The following CDHR3 variants were observed in gnomAD, a reference collection of about 807,000 sequenced individuals.
The protein encoded by CDHR3 is cadherin-related family member 3.
A neutral mutation model predicts 86.6 loss-of-function variants in CDHR3; 79 were observed. The ratio of observed to expected loss-of-function variants is 0.91; its 90% CI spans 0.76 to 1.10. CDHR3 has a LOEUF of 1.10. CDHR3 is among the 50% of genes least tolerant of loss of function. The probability of loss-of-function intolerance (pLI) is 0.00; values close to 1 mark genes in which losing one functional copy is unlikely to be tolerated. For missense variants in CDHR3, 1,081 were observed against 1,077.6 expected (o/e 1.00, Z -0.04); for synonymous variants, 421 against 402.4 (o/e 1.05, Z -0.55).
chr7:105,992,782 G>T (rs1831557031), intron 4 of CDHR3, among the ~76,000 whole-genome samples: 1 of 152,158 alleles, frequency 6.6e-6, no homozygotes, highest in Non-Finnish European at 1.5e-5. Context: ...CGTTTGCATA[G>T]AAAAGAACAG....
At chr7:106,017,654 T>C (rs1835869589) in intron 11 of CDHR3, among the ~76,000 whole-genome samples, 192 bp from the exon 12 acceptor site, 1 of 151,268 alleles carries the variant, frequency 6.6e-6, no homozygotes, top group Non-Finnish European at 1.5e-5. Context: ...GCTTGGATCA[T>C]AGGGTCAGTT....
chr7:106,026,627 T>A, intron 15 of CDHR3, 55 bp from the exon 16 acceptor site: 1 of 1,592,316 alleles, frequency 6.3e-7, no homozygotes, highest in Admixed American at 1.7e-5. Flanking sequence ...GTCATGTGTG[T>A]GCCAGTGCAG....
chr7:106,024,429 G>T lies in CDHR3; in HGVS notation c.2125G>T (p.Ala709Ser), dbSNP rs368256729. 3.0e-5 allele frequency: 48 copies of T among 1,613,900 alleles called. No individual in the cohort carries two copies. Among genetic ancestry groups the T allele is most frequent in the Non-Finnish European group, 3.8e-5 (45 of 1,179,892 alleles). ...GAGGAAAAACGTTTACTCTCCATCT[G>T]CATGGTACGTGCCGTTTGTCATCAC... is the stretch of plus-strand genomic sequence containing the variant. Reference protein sequence around the residue: ...VLRKNVYSPSAWYVPFVITLG... With the variant: ...VLRKNVYSPSSWYVPFVITLG... Residue 709 changes from alanine to serine, a missense_variant, in exon 15 of 19, where the codon GCA becomes TCA. By Grantham distance (99) the Ala-to-Ser change is moderately conservative. Transcript: ENST00000317716.
At position 106,033,373 on chromosome 7, in the gene CDHR3, G is replaced by T. The variant is rs1178264324; in HGVS notation, c.*676G>T. 6.6e-6 allele frequency: 1 copy of T among 152,176 alleles called. No individual in the cohort carries two copies. The highest frequency in any genetic ancestry group is 2.4e-5 in the African/African-American group (1 of 41,430). 9.4% of individuals were successfully genotyped at this position (152,176 alleles called of 1,614,324 possible). The stretch of plus-strand genomic sequence containing the variant: ...ATGGTTATGTCTGGTTTCATTCTAT[G>T]ATTATATCACAATTTATCTATTCTA... On this transcript the variant is annotated 3_prime_UTR_variant, in exon 19 of 19. Coordinates refer to ENST00000317716, the MANE Select transcript of CDHR3 (RefSeq NM_152750.5).
intron 11 of CDHR3, among the ~76,000 whole-genome samples, chr7:106,017,425 C>T (rs1263968759): frequency 1.3e-5 from 2 of 151,738 alleles, no homozygotes; most frequent in Admixed American, 6.6e-5. Context: ...CAGGTGTGGT[C>T]GTGGGCACCT....
intron 3 of CDHR3, among the ~76,000 whole-genome samples, chr7:105,982,857 C>A (rs1464351852): frequency 6.6e-6 from 1 of 152,048 alleles, no homozygotes; most frequent in Middle Eastern, 3.4e-3. Context: ...GTGGCAGGTA[C>A]CTGTAGTTCC....
At chr7:106,002,350 G>A (rs1322170942) in intron 7 of CDHR3, among the ~76,000 whole-genome samples, 1 of 152,230 alleles carries the variant, frequency 6.6e-6, no homozygotes, top group East Asian at 1.9e-4. Context: ...TGCTCAGTTT[G>A]ATGAAGTGAG....
intron 13 of CDHR3, 89 bp downstream of exon 13, chr7:106,020,633 G>A (rs781373987): frequency 2.8e-4 from 399 of 1,406,136 alleles, no homozygotes; most frequent in Non-Finnish European, 2.4e-4. Context: ...ACACTGATCT[G>A]GGCAAAGTGG....
intron 8 of CDHR3, among the ~76,000 whole-genome samples, chr7:106,009,040 G>A (rs527690223): frequency 3.3e-5 from 5 of 152,324 alleles, no homozygotes; most frequent in South Asian, 2.1e-4. Context: ...TGGTGAAACT[G>A]CAATTCGAAT....
chr7:105,969,291 C>T (rs1354304084), intron 1 of CDHR3, among the ~76,000 whole-genome samples: 5 of 130,230 alleles, frequency 3.8e-5, no homozygotes, highest in Admixed American at 1.7e-4. Context: ...CCCAGCTACT[C>T]GGGAGGCTGA....
In CDHR3 at chr7:106,035,875, A is replaced by G. The variant is rs1310454814; in HGVS notation, c.*3178A>G. 2.6e-5 allele frequency: 4 copies of G among 152,212 alleles called. No homozygotes were observed. Among genetic ancestry groups the G allele is most frequent in the East Asian group, 1.9e-4 (1 of 5,202 alleles). 9.4% of individuals were successfully genotyped at this position (152,212 alleles called of 1,614,324 possible). A position where few individuals can be genotyped will look rare whatever the true frequency, so the allele number is the denominator to read the frequency against. ...CAGTCTGATTGGTTACAGACAGCCA[A>G]TTTCCCAGCGTTGACCAGGTTTTGG... On this transcript the variant is annotated 3_prime_UTR_variant, in exon 19 of 19. Transcript: ENST00000317716.
At chr7:105,976,601 TC>T (rs1298287221) in intron 2 of CDHR3, among the ~76,000 whole-genome samples, 1 of 152,230 alleles carries the variant, frequency 6.6e-6, no homozygotes, top group Non-Finnish European at 1.5e-5. Context: ...CCATTAGCAG[TC>T]ACTCAGCTAT....
intron 7 of CDHR3, 38 bp from the exon 8 acceptor site, chr7:106,004,460 C>G (rs1182728336): frequency 6.5e-6 from 10 of 1,539,626 alleles, no homozygotes; most frequent in Non-Finnish European, 8.9e-6. Flanking sequence ...CTTTTCATTT[C>G]TCTTCAAAGG....
chr7:106,012,940 C>A lies in CDHR3; in HGVS notation c.1133C>A (p.Ala378Glu). The A allele has an allele frequency of 1.2e-6, 2 of 1,613,784 alleles. No individual in the cohort carries two copies. The highest frequency in any genetic ancestry group is 1.7e-6 in the Non-Finnish European group (2 of 1,179,816). ...NKFCFDDDSEAPNNRFNFTMP... is the reference protein window; with the variant it reads ...NKFCFDDDSEEPNNRFNFTMP... ...TTCTGCTTTGATGATGACAGTGAGG[C>A]ACCAAACAACAGATTCAACTTCACC... The change falls in exon 9 of 19, where the codon GCA (alanine) becomes GAA (glutamate). Residue 378 changes from alanine to glutamate, a missense_variant. Coordinates refer to ENST00000317716, the MANE Select transcript of CDHR3 (RefSeq NM_152750.5).
At chr7:105,995,983 T>G (rs1308706647) in intron 5 of CDHR3, among the ~76,000 whole-genome samples, 1 of 152,084 alleles carries the variant, frequency 6.6e-6, no homozygotes, top group Non-Finnish European at 1.5e-5. Context: ...CCGGGATAGA[T>G]GTGCAGCATG....
intron 7 of CDHR3, among the ~76,000 whole-genome samples, chr7:106,002,902 G>A (rs929622783): frequency 2.6e-5 from 4 of 152,156 alleles, no homozygotes; most frequent in Non-Finnish European, 4.4e-5. Context: ...GGGAGGCTGA[G>A]GCCAAAGGAT....
At chr7:106,015,779 G>A (rs1835521416) in intron 10 of CDHR3, 148 bp from the exon 11 acceptor site, 5 of 690,200 alleles carry the variant, frequency 7.2e-6, no homozygotes, top group Admixed American at 6.1e-5. Flanking sequence ...AACACCCTCG[G>A]CATCTAAAAG....
At chr7:106,018,241 C>A (rs1456038412) in intron 12 of CDHR3, among the ~76,000 whole-genome samples, 169 bp downstream of exon 12, 1 of 152,130 alleles carries the variant, frequency 6.6e-6, no homozygotes, top group Admixed American at 6.5e-5. Flanking sequence ...CCACATTTTT[C>A]TTTTTTCGTT....
rs995559747 is a variant in CDHR3, at chr7:106,035,297, G to A, written c.*2600G>A. ...GGAAGAGCTGAGTGTCTTCCTAGTC[G>A]CAAGGCAAGCCTCGAGAAACTCAAG... On this transcript the variant is annotated 3_prime_UTR_variant, in exon 19 of 19. Transcript: ENST00000317716. Among the ~76,000 whole-genome samples the A allele has an allele frequency of 6.6e-6, 1 of 152,082 alleles. No individual in the cohort carries two copies. The highest frequency in any genetic ancestry group is 6.5e-5 in the Admixed American group (1 of 15,276).
Sources: allele counts gnomAD v4.1 joint callset (sites outside exome capture counted in the v4.1 genomes callset), GRCh38; gene constraint gnomAD v4.1.1; transcripts MANE v1.5; gene names NCBI Gene and HGNC (gene_info 2026-07-23, HGNC 2026-07-21).